Variants in CACNA1A observed in about 807,000 individuals in gnomAD.
CACNA1A encodes the protein voltage-dependent P/Q-type calcium channel subunit alpha-1A.
Under a neutral mutation model 262.4 loss-of-function variants are expected in CACNA1A, and 57 were observed. The observed-to-expected ratio is 0.22, with a 90% confidence interval of 0.18 to 0.27. The LOEUF (loss-of-function observed/expected upper bound fraction) is 0.27, where lower values mean the gene tolerates loss of function less well. Ranked by LOEUF, CACNA1A falls within the 10% of genes least tolerant of loss-of-function variation. The pLI, the probability that CACNA1A is intolerant of heterozygous loss-of-function variation, is 1.00. For synonymous variants in CACNA1A, 1,431 were observed against 1,419.3 expected (o/e 1.01, Z -0.18); for missense variants, 2,526 against 3,562.8 (o/e 0.71, Z 7.41).
intron 40 of CACNA1A, among the ~76,000 whole-genome samples, chr19:13,213,532 G>A (rs1349600747): frequency 2.0e-5 from 3 of 152,154 alleles, no homozygotes; most frequent in Non-Finnish European, 4.4e-5. Context: ...TGCTCCCTGA[G>A]GGCAGGGATT....
intron 31 of CACNA1A, among the ~76,000 whole-genome samples, chr19:13,239,212 T>A (rs575324955): frequency 6.7e-6 from 1 of 150,240 alleles, no homozygotes; most frequent in African/African-American, 2.4e-5. Flanking sequence ...TCCTGTCCCC[T>A]TCTGCCTTCT....
At chr19:13,300,255 A>C (rs2057760543) in intron 18 of CACNA1A, among the ~76,000 whole-genome samples, 1 of 151,908 alleles carries the variant, frequency 6.6e-6, no homozygotes, top group Non-Finnish European at 1.5e-5. Context: ...ACAATATATA[A>C]TTTACTTATT....
chr19:13,385,140 T>A (rs1463529779), intron 3 of CACNA1A, among the ~76,000 whole-genome samples: 1 of 152,146 alleles, frequency 6.6e-6, no homozygotes, highest in Non-Finnish European at 1.5e-5. Flanking sequence ...GGTGCATACA[T>A]ACATACTTCA....
chr19:13,357,869 T>A (rs1341378619), intron 6 of CACNA1A, among the ~76,000 whole-genome samples: 1 of 151,956 alleles, frequency 6.6e-6, no homozygotes, highest in Non-Finnish European at 1.5e-5. Flanking sequence ...TAGCTAGGTA[T>A]GGTGGTGTGT....
At chr19:13,261,908 C>T (rs551886567) in intron 25 of CACNA1A, 1 of 289,150 alleles carries the variant, frequency 3.5e-6, no homozygotes, top group African/African-American at 2.1e-5. Flanking sequence ...CTTTCCAACT[C>T]TCTCAATCCT....
intron 1 of CACNA1A, among the ~76,000 whole-genome samples, chr19:13,494,033 AAGCTTTTATC>A (rs1243072154): frequency 3.3e-5 from 5 of 152,352 alleles, no homozygotes; most frequent in Admixed American, 6.5e-5. Flanking sequence ...CAAGATACTT[AAGCTTTTATC>A]AGCTGGGGTA....
At chr19:13,402,857 T>C (rs35570317) in intron 3 of CACNA1A, among the ~76,000 whole-genome samples, 1,207 of 75,724 alleles carry the variant, frequency 0.016, 28 homozygotes, top group East Asian at 0.088. Flanking sequence ...CATATATATA[T>C]ACACACACAC....
In CACNA1A at chr19:13,257,555, C is replaced by T. The variant is rs1382013013; in HGVS notation, c.4389-4G>A. On this transcript the variant is annotated splice_polypyrimidine_tract_variant and splice_region_variant and intron_variant, in intron 27 of 46. Coordinates refer to ENST00000360228, the MANE Select transcript of CACNA1A (RefSeq NM_001127222.2). ...GTCCACCGAATGCTTGAGGACCCTG[C>T]AAGGAATGGGGCAGGGAGAGGGAAG... 2.6e-6 allele frequency: 4 copies of T among 1,567,378 alleles called. No homozygotes were observed. The East Asian group carries it at 9.4e-5, about 37-fold the overall frequency.
rs765413467 is a variant in CACNA1A, at chr19:13,209,021, G to A, written c.6527-12C>T. The A allele has an allele frequency of 2.1e-5, 33 of 1,537,008 alleles. No individual in the cohort carries two copies. The highest frequency in any genetic ancestry group is 2.8e-5 in the Non-Finnish European group (32 of 1,146,892). ...GTCTGTCCCCAAGCCTGGGCCGGGTGAGGGTCAGACAGACACACAGGTGGT... is the reference window on the plus strand; with the variant it reads ...GTCTGTCCCCAAGCCTGGGCCGGGTAAGGGTCAGACAGACACACAGGTGGT... On this transcript the variant is annotated splice_polypyrimidine_tract_variant and intron_variant, in intron 45 of 46. Coordinates refer to ENST00000360228, the MANE Select transcript of CACNA1A (RefSeq NM_001127222.2).
chr19:13,479,308 C>T (rs143801791), intron 1 of CACNA1A, among the ~76,000 whole-genome samples: 27 of 152,074 alleles, frequency 1.8e-4, no homozygotes, highest in Non-Finnish European at 3.4e-4. Context: ...GGCAGAAGGG[C>T]GGGAGGCAAA....
At chr19:13,228,498 T>G (rs545061455) in intron 36 of CACNA1A, 3 of 195,144 alleles carry the variant, frequency 1.5e-5, no homozygotes, top group Non-Finnish European at 3.0e-5. Flanking sequence ...GGAGGAAATA[T>G]GTTCCATGCT....
chr19:13,376,772 A>AACACATAATATATGTGACATATAT lies in CACNA1A; in HGVS notation c.540-5017_540-4994dup, dbSNP rs1306198920. Reference sequence around the variant, plus strand: ...ACAATATGTTATATGTGACATATATAACACATAATATATGTGACATATATA... The same window carrying AACACATAATATATGTGACATATAT: ...ACAATATGTTATATGTGACATATATAACACATAATATATGTGACATATATACACATAATATATGTGACATATATA... On this transcript the variant is annotated intron_variant, in intron 3 of 46. Coordinates refer to ENST00000360228, the MANE Select transcript of CACNA1A (RefSeq NM_001127222.2). 1.9e-4 allele frequency among the ~76,000 whole-genome samples: 26 copies of AACACATAATATATGTGACATATAT among 133,758 alleles called. No individual in the cohort carries two copies. In the East Asian group the frequency reaches 5.2e-3, roughly 27 times the overall value. The allele number at this position is 133,758 out of a possible 152,430, so 87.8% of individuals were successfully genotyped here. A position where few individuals can be genotyped will look rare whatever the true frequency, so the allele number is the denominator to read the frequency against.
chr19:13,379,392 C>T (rs554353176), intron 3 of CACNA1A, among the ~76,000 whole-genome samples: 51 of 152,162 alleles, frequency 3.4e-4, no homozygotes, highest in African/African-American at 1.2e-3. Context: ...AAAAAAGGCA[C>T]GACTCCCTTT....
intron 3 of CACNA1A, among the ~76,000 whole-genome samples, chr19:13,440,009 G>T (rs183917761): frequency 9.4e-4 from 143 of 152,220 alleles, no homozygotes; most frequent in African/African-American, 3.0e-3. Flanking sequence ...GGCTGGGCTG[G>T]AGTGTAGTGG....
At chr19:13,479,508 C>T (rs1003394419) in intron 1 of CACNA1A, among the ~76,000 whole-genome samples, 3 of 152,040 alleles carry the variant, frequency 2.0e-5, no homozygotes, top group African/African-American at 4.8e-5. Flanking sequence ...CAGAGATGCT[C>T]GTGGGCTTTT....
At chr19:13,300,451 TTC>T in intron 18 of CACNA1A, 97 bp downstream of exon 18, 1 of 800,158 alleles carries the variant, frequency 1.2e-6, no homozygotes, top group Non-Finnish European at 2.2e-6. Context: ...TAAAGCTCAG[TTC>T]TGTCAAGGAC....
intron 3 of CACNA1A, among the ~76,000 whole-genome samples, chr19:13,402,088 G>C (rs1599373127): frequency 6.6e-6 from 1 of 152,176 alleles, no homozygotes; most frequent in African/African-American, 2.4e-5. Context: ...TCTTCTTCCA[G>C]CATTGCTTTG....
chr19:13,502,905 G>A (rs542423585), intron 1 of CACNA1A, among the ~76,000 whole-genome samples: 1 of 152,096 alleles, frequency 6.6e-6, no homozygotes, highest in Non-Finnish European at 1.5e-5. Context: ...CAAGTTCATG[G>A]ATCATTCACT....
chr19:13,283,168 C>T (rs1600238436), intron 22 of CACNA1A, 99 bp downstream of exon 22: 2 of 1,464,628 alleles, frequency 1.4e-6, no homozygotes, highest in African/African-American at 1.4e-5. Context: ...TAGGGGTGAC[C>T]CCAACATCCC....
Sources: gnomAD v4.1 joint callset for allele counts (sites outside exome capture counted in the v4.1 genomes callset) on GRCh38, gnomAD v4.1.1 for gene constraint, MANE v1.5 for transcripts, NCBI Gene and HGNC (gene_info 2026-07-23, HGNC 2026-07-21) for gene names.